The following AK9 variants were observed in gnomAD, a reference collection of about 807,000 sequenced individuals.
AK9 encodes adenylate kinase domain containing 1.
Under a neutral mutation model 239.6 loss-of-function variants are expected in AK9, and 191 were observed. The ratio of observed to expected loss-of-function variants is 0.80; its 90% CI spans 0.71 to 0.90. The LOEUF (loss-of-function observed/expected upper bound fraction) is 0.90, where lower values mean the gene tolerates loss of function less well. Ranked by LOEUF, AK9 falls within the 40% of genes least tolerant of loss-of-function variation. AK9 has a pLI of 0.00. For synonymous variants in AK9, 689 were observed against 721.0 expected (o/e 0.96, Z 0.71); for missense variants, 1,995 against 2,214.7 (o/e 0.90, Z 1.99).
chr6:109,622,345 C>CAT (rs533269231), intron 12 of AK9, among the ~76,000 whole-genome samples: 3 of 141,408 alleles, frequency 2.1e-5, no homozygotes, highest in African/African-American at 7.6e-5. Flanking sequence ...ATACTATAGT[C>CAT]ATATATATAG....
At chr6:109,653,469 C>A (rs531404410) in intron 8 of AK9, among the ~76,000 whole-genome samples, 64 of 152,240 alleles carry the variant, frequency 4.2e-4, no homozygotes, top group African/African-American at 1.5e-3. Context: ...CTTATCATAG[C>A]CTCTACGCAT....
intron 35 of AK9, 101 bp downstream of exon 35, chr6:109,506,226 G>T (rs563179044): frequency 1.9e-6 from 2 of 1,036,230 alleles, no homozygotes; most frequent in Non-Finnish European, 1.5e-6. Context: ...ATTAAGTCAC[G>T]CCTGACTCAT....
At chr6:109,538,416 T>G (rs1782339033) in intron 27 of AK9, among the ~76,000 whole-genome samples, 1 of 152,218 alleles carries the variant, frequency 6.6e-6, no homozygotes. Flanking sequence ...TATCAGAGAC[T>G]AGGATTGCAA....
intron 8 of AK9, among the ~76,000 whole-genome samples, chr6:109,648,344 C>A (rs1798378265): frequency 6.6e-6 from 1 of 151,788 alleles, no homozygotes; most frequent in Admixed American, 6.6e-5. Flanking sequence ...AGAACGCTAG[C>A]AAGACTAATA....
intron 12 of AK9, among the ~76,000 whole-genome samples, chr6:109,622,025 C>A: frequency 7.1e-6 from 1 of 141,634 alleles, no homozygotes; most frequent in African/African-American, 2.6e-5. Flanking sequence ...TTTATAGTTG[C>A]AAAAATGTAT....
At chr6:109,672,585 C>T (rs1771090639) in intron 3 of AK9, among the ~76,000 whole-genome samples, 1 of 152,106 alleles carries the variant, frequency 6.6e-6, no homozygotes, top group African/African-American at 2.4e-5. Context: ...ACTCAGGAAG[C>T]TGACGTGGGG....
At chr6:109,541,968 T>C in intron 27 of AK9, 79 bp downstream of exon 27, 1 of 1,247,362 alleles carries the variant, frequency 8.0e-7, no homozygotes, top group Admixed American at 3.1e-5. Context: ...CTTAAATGTA[T>C]GTTAAACTAC....
chr6:109,557,311 C>T (rs937066115), intron 24 of AK9, among the ~76,000 whole-genome samples: 11 of 152,050 alleles, frequency 7.2e-5, no homozygotes, highest in African/African-American at 2.4e-4. Context: ...GATTTGCCCC[C>T]ATGCCTGAAG....
intron 38 of AK9, among the ~76,000 whole-genome samples, chr6:109,495,979 A>G (rs1776991285): frequency 1.3e-5 from 2 of 150,310 alleles, no homozygotes; most frequent in African/African-American, 5.0e-5. Flanking sequence ...ATAATTCCCC[A>G]TTTAAAAAAA....
In AK9 at chr6:109,644,622, G is replaced by A; in HGVS notation, c.826C>T (p.Leu276Phe). 1 of 1,611,204 alleles carries A rather than the reference G, an allele frequency of 6.2e-7. No homozygotes were observed. Among genetic ancestry groups the A allele is most frequent in the Non-Finnish European group, 8.5e-7 (1 of 1,179,406 alleles). ...CTTAACACTGCACTCACCATAAAGA[G>A]CTCCTCTGCTGGTTTATTTCCATTT... is the stretch of plus-strand genomic sequence containing the variant. ...ELNGNKPAEELFMIVMDRLKY... is the reference protein window; with the variant it reads ...ELNGNKPAEEFFMIVMDRLKY... The change falls in exon 9 of 41, where the codon CTC becomes TTC. Residue 276 changes from leucine (L) to phenylalanine (F), a missense_variant. By Grantham distance (22) the Leu-to-Phe change is conservative (BLOSUM62 0). Transcript: ENST00000424296.
intron 20 of AK9, among the ~76,000 whole-genome samples, chr6:109,578,739 G>A (rs1304371613): frequency 6.6e-6 from 1 of 152,106 alleles, no homozygotes. Context: ...GATAAGTTGT[G>A]TCACTGTTAT....
intron 29 of AK9, among the ~76,000 whole-genome samples, chr6:109,525,757 T>C (rs901475890): frequency 6.6e-6 from 1 of 152,168 alleles, no homozygotes; most frequent in African/African-American, 2.4e-5. Flanking sequence ...TCAAAGCACT[T>C]AGAACTACCA....
chr6:109,613,155 TGAAGGAA>T (rs1793777835), intron 15 of AK9, among the ~76,000 whole-genome samples: 1 of 151,028 alleles, frequency 6.6e-6, no homozygotes, highest in Non-Finnish European at 1.5e-5. Context: ...AGCCTAAAAG[TGAAGGAA>T]GAAAGCAACA....
chr6:109,503,595 C>G (rs1777807453), intron 35 of AK9, among the ~76,000 whole-genome samples: 2 of 152,172 alleles, frequency 1.3e-5, no homozygotes, highest in Admixed American at 6.5e-5. Context: ...TTCAAACAAT[C>G]AGGTACAGGC....
intron 7 of AK9, among the ~76,000 whole-genome samples, chr6:109,657,549 C>CTT (rs374142932): frequency 0.031 from 4,500 of 145,120 alleles, 102 homozygotes; most frequent in Non-Finnish European, 0.044. Flanking sequence ...AAGTTTCTTT[C>CTT]TTTTTTTTTT....
At chr6:109,678,429 G>A (rs1301510607) in intron 1 of AK9, among the ~76,000 whole-genome samples, 4 of 152,164 alleles carry the variant, frequency 2.6e-5, no homozygotes, top group Non-Finnish European at 5.9e-5. Flanking sequence ...CAGAAAGGAA[G>A]TGGGTATGAC....
chr6:109,581,755 G>A (rs1172355083), intron 19 of AK9, among the ~76,000 whole-genome samples: 1 of 152,200 alleles, frequency 6.6e-6, no homozygotes, highest in African/African-American at 2.4e-5. Flanking sequence ...CATAGACAAA[G>A]GTGGCTACAC....
intron 32 of AK9, 114 bp from the exon 33 acceptor site, chr6:109,509,494 C>T: frequency 1.1e-6 from 1 of 921,780 alleles, no homozygotes; most frequent in South Asian, 1.8e-5. Flanking sequence ...TTCTAATGAT[C>T]CTGTCCCCCA....
chr6:109,504,684 C>T (rs184436653), intron 35 of AK9, among the ~76,000 whole-genome samples: 91 of 152,184 alleles, frequency 6.0e-4, no homozygotes, highest in African/African-American at 2.1e-3. Flanking sequence ...TGGCGCACAC[C>T]TGTAGTCCTA....
Sources: gnomAD v4.1 joint callset for allele counts (sites outside exome capture counted in the v4.1 genomes callset) on GRCh38, gnomAD v4.1.1 for gene constraint, MANE v1.5 for transcripts, NCBI Gene and HGNC (gene_info 2026-07-23, HGNC 2026-07-21) for gene names.